The following MYO1G variants were observed in gnomAD, a reference collection of about 807,000 sequenced individuals.
MYO1G encodes the protein unconventional myosin-Ig.
In MYO1G, 65 loss-of-function variants were observed where a neutral mutation model predicts 115.3. The observed-to-expected ratio is 0.56, with a 90% CI of 0.46 to 0.69. MYO1G has a LOEUF of 0.69. Ranked by LOEUF, MYO1G falls within the 30% of genes least tolerant of loss-of-function variation. The probability of loss-of-function intolerance (pLI) is 0.00; values close to 1 mark genes in which losing one functional copy is unlikely to be tolerated. For synonymous variants in MYO1G, 510 were observed against 552.6 expected, an observed-to-expected ratio of 0.92 and a Z score of 1.08; for missense variants, 1,204 against 1,393.5, an observed-to-expected ratio of 0.86 and a Z score of 2.16.
Position 44,966,494 on chromosome 7 carries a change from C to T in MYO1G, c.1949+178G>A, listed in dbSNP as rs1318778288. ...CCATGTTCCCACCTGTATGTCCCCACATGCATGTGCTCACACACATGTCTT... is the reference window on the plus strand; with the variant it reads ...CCATGTTCCCACCTGTATGTCCCCATATGCATGTGCTCACACACATGTCTT... On this transcript the variant is annotated intron_variant, in intron 15 of 21. Coordinates refer to ENST00000258787, the MANE Select transcript of MYO1G (RefSeq NM_033054.3). This position sits in a 1 kb window ranked among gnomAD's most constrained non-coding sequence, Gnocchi z 5.0. 1.2e-6 allele frequency: 1 copy of T among 860,776 alleles called. No individual in the cohort carries two copies. Among genetic ancestry groups the T allele is most frequent in the Admixed American group, 2.0e-5 (1 of 50,232 alleles). The allele number at this position is 860,776 out of a possible 1,614,324, so 53.3% of individuals were successfully genotyped here. A position where few individuals can be genotyped will look rare whatever the true frequency, so the allele number is the denominator to read the frequency against.
chr7:44,965,510 A>C, intron 17 of MYO1G, 127 bp downstream of exon 17: 1 of 884,102 alleles, frequency 1.1e-6, no homozygotes, highest in Admixed American at 2.2e-5. Context: ...GTGGCATAGC[A>C]TCCACCTTCC....
In MYO1G at chr7:44,969,808, A is replaced by T. The variant is rs1313276657; in HGVS notation, c.1400T>A (p.Val467Glu). The change falls in exon 11 of 22, where the codon GTG becomes GAG. Residue 467 changes from valine (V) to glutamate (E), a missense_variant. Val to Glu is a moderately radical substitution (Grantham distance 121). Transcript: ENST00000258787. This position sits in a 1 kb window ranked among gnomAD's most constrained non-coding sequence, Gnocchi z 5.0. ...VERPHRGILA[V>E]LDEACSSAGT... The stretch of plus-strand genomic sequence containing the variant: ...AGCAGAGCTGCAGGCCTCGTCCAGC[A>T]CGGCCAGGATGCCACGGTGGGGCCG... 6.2e-7 allele frequency: 1 copy of T among 1,613,328 alleles called. No individual in the cohort carries two copies. The highest frequency in any genetic ancestry group is 1.7e-5 in the Admixed American group (1 of 60,010).
Position 44,969,726 on chromosome 7 carries a change from G to C in MYO1G, c.1482C>G (p.His494Gln). 1 of 1,610,730 alleles carries C rather than the reference G, an allele frequency of 6.2e-7. No homozygotes were observed. The highest frequency in any genetic ancestry group is 8.5e-7 in the Non-Finnish European group (1 of 1,179,508). ...LQTLDMHHRH[H>Q]LHYTSRQLCP... ...GCACCTGGCGGCTGGTGTAGTGTAG[G>C]TGATGGCGGTGGTGCATGTCCAGGG... The change falls in exon 11 of 22, where the codon CAC becomes CAG. Residue 494 changes from histidine to glutamine, a missense_variant. Coordinates refer to ENST00000258787, the MANE Select transcript of MYO1G (RefSeq NM_033054.3). The surrounding 1 kb of genome is among the most constrained non-coding windows in gnomAD (Gnocchi z 5.0).
Position 44,970,085 on chromosome 7 carries a change from C to G in MYO1G, c.1287G>C (p.Lys429Asn), listed in dbSNP as rs1299798954. 2 of 1,614,116 alleles carry G rather than the reference C, an allele frequency of 1.2e-6. No individual in the cohort carries two copies. Among genetic ancestry groups the G allele is most frequent in the Admixed American group, 3.3e-5 (2 of 60,022 alleles). The part of the protein sequence containing the change: ...LQQLFIQLIL[K>N]QEQEEYEREG... ...CGCGCTCGTACTCTTCCTGTTCCTG[C>G]TTCAGGATGAGCTGGATGAATAGCT... The change falls in exon 10 of 22, where the codon AAG becomes AAC. Residue 429 changes from lysine to asparagine, a missense_variant. Transcript: ENST00000258787.
At position 44,968,449 on chromosome 7, in the gene MYO1G, G is replaced by GGTCA. The variant is rs553237386; in HGVS notation, c.1575-495_1575-492dup. Reference sequence around the variant, plus strand: ...TGTCTAGTTCTTGGACTGCTAGAAAGGTCAGTGCCAAATCTTGGCTCCAAC... The same window carrying GGTCA: ...TGTCTAGTTCTTGGACTGCTAGAAAGGTCAGTCAGTGCCAAATCTTGGCTCCAAC... On this transcript the variant is annotated intron_variant, in intron 12 of 21. Transcript: ENST00000258787. The GGTCA allele has an allele frequency of 1.9e-4, 30 of 155,718 alleles. 2 individuals are homozygous for GGTCA. The South Asian group carries it at 5.8e-3, about 30-fold the overall frequency. The allele number at this position is 155,718 out of a possible 1,614,324, so 9.6% of individuals were successfully genotyped here.
chr7:44,976,961 CG>C lies in MYO1G; in HGVS notation c.205del (p.Arg69ValfsTer21), dbSNP rs776627361. 1.2e-6 allele frequency: 2 copies of C among 1,613,656 alleles called. No individual in the cohort carries two copies. The highest frequency in any genetic ancestry group is 2.2e-5 in the South Asian group (2 of 91,092). ...GPEAIARYQG[R>X]ELYERPPHLY... ...ATGGGGTGGCCGCTCATAGAGCTCA[CG>C]GCCCTGGTACCTGGCGATGGCCTCA... On this transcript the variant is annotated frameshift_variant, in exon 2 of 22. Coordinates refer to ENST00000258787, the MANE Select transcript of MYO1G (RefSeq NM_033054.3). LOFTEE classifies it high-confidence loss of function.
In MYO1G at chr7:44,963,109, C is replaced by G; in HGVS notation, c.2761G>C (p.Val921Leu). 6.7e-7 allele frequency: 1 copy of G among 1,493,290 alleles called. No individual in the cohort carries two copies. The highest frequency in any genetic ancestry group is 8.9e-7 in the Non-Finnish European group (1 of 1,126,816). 92.5% of individuals were successfully genotyped at this position (1,493,290 alleles called of 1,614,324 possible). ...ACCAGCTGGTCTCCTCCGCTGGTCA[C>G]GCTCAGCCCCGTCACCTGAGCGGAG... The part of the protein sequence containing the change: ...VPLEAVTGLS[V>L]TSGGDQLVVL... The change falls in exon 21 of 22, where the codon GTG becomes CTG. Residue 921 changes from valine (V) to leucine (L), a missense_variant. Coordinates refer to ENST00000258787, the MANE Select transcript of MYO1G (RefSeq NM_033054.3). This position sits in a 1 kb window ranked among gnomAD's most constrained non-coding sequence, Gnocchi z 4.1.
intron 3 of MYO1G, 131 bp from the exon 4 acceptor site, chr7:44,975,780 AC>A: frequency 1.9e-6 from 2 of 1,051,584 alleles, no homozygotes; most frequent in Non-Finnish European, 2.6e-6. Flanking sequence ...CTGAGAGGGA[AC>A]CAATGGCCTG....
chr7:44,970,748 G>C lies in MYO1G; in HGVS notation c.1072-11C>G, dbSNP rs745413588. The C allele has an allele frequency of 2.5e-6, 4 of 1,613,688 alleles. No homozygotes were observed. In the South Asian group the frequency reaches 4.4e-5, roughly 18 times the overall value. ...CCGCTGGTACACTGCCTGGGGGATA[G>C]GAACACCCTGCTTCCTGCTGCCTCT... On this transcript the variant is annotated splice_polypyrimidine_tract_variant and intron_variant, in intron 8 of 21. Coordinates refer to ENST00000258787, the MANE Select transcript of MYO1G (RefSeq NM_033054.3).
At position 44,966,133 on chromosome 7, in the gene MYO1G, C is replaced by A. The variant is rs143076306; in HGVS notation, c.2097G>T (p.Leu699=). The A allele has an allele frequency of 6.2e-7, 1 of 1,613,060 alleles. No individual in the cohort carries two copies. The highest frequency in any genetic ancestry group is 8.5e-7 in the Non-Finnish European group (1 of 1,180,004). Residue 699 remains leucine (L), a synonymous_variant, in exon 16 of 22, where the codon CTG becomes CTT. Coordinates refer to ENST00000258787, the MANE Select transcript of MYO1G (RefSeq NM_033054.3). The surrounding 1 kb of genome is among the most constrained non-coding windows in gnomAD (Gnocchi z 5.0). ...SKLFIRSPRT[L]VTLEQSRARL... ...GGGCTCGGCTCTGCTCCAGTGTGAC[C>A]AGTGTCCGGGGTGAGCGGATGAACA...
At position 44,962,935 on chromosome 7, in the gene MYO1G, G is replaced by T. The variant is rs1360356160; in HGVS notation, c.2900+35C>A. 2.0e-6 allele frequency: 3 copies of T among 1,504,564 alleles called. No individual in the cohort carries two copies. Among genetic ancestry groups the T allele is most frequent in the African/African-American group, 1.4e-5 (1 of 69,246 alleles). 93.2% of individuals were successfully genotyped at this position (1,504,564 alleles called of 1,614,324 possible). A position where few individuals can be genotyped will look rare whatever the true frequency, so the allele number is the denominator to read the frequency against. ...GGGGTCAGGGCGGCCACGCGGCCGG[G>T]GCTTCGTGCCCGCTACCGCCCAGCC... is the stretch of plus-strand genomic sequence containing the variant. On this transcript the variant is annotated intron_variant, in intron 21 of 21. Transcript: ENST00000258787. The surrounding 1 kb of genome is among the most constrained non-coding windows in gnomAD (Gnocchi z 5.3).
Position 44,977,001 on chromosome 7 carries a change from G to C in MYO1G, c.166C>G (p.Pro56Ala). Residue 56 changes from proline (P) to alanine (A), a missense_variant, in exon 2 of 22, where the codon CCC becomes GCC. Pro to Ala is a conservative substitution (Grantham distance 27). Transcript: ENST00000258787. ...GCGATGGCCTCAGGCCCATACAGGG[G>C]CAGCTCCTGGTAGGGGTTCACGGAC... is the stretch of plus-strand genomic sequence containing the variant. The part of the protein sequence containing the change: ...LVSVNPYQEL[P>A]LYGPEAIARY... 6.2e-7 allele frequency: 1 copy of C among 1,613,688 alleles called. No homozygotes were observed.
At position 44,967,879 on chromosome 7, in the gene MYO1G, C is replaced by T; in HGVS notation, c.1649+5G>A. 6.2e-7 allele frequency: 1 copy of T among 1,613,926 alleles called. No homozygotes were observed. The highest frequency in any genetic ancestry group is 8.5e-7 in the Non-Finnish European group (1 of 1,180,010). On this transcript the variant is annotated splice_donor_5th_base_variant and intron_variant, in intron 13 of 21. Transcript: ENST00000258787. ...TCCCTATGGTGCCCAGCAAGCCGTG[C>T]TCACCTGTTGTACAGCAGCCGCTTG... is the stretch of plus-strand genomic sequence containing the variant.
Position 44,970,706 on chromosome 7 carries a change from A to G in MYO1G, c.1103T>C (p.Val368Ala). 1 of 1,613,806 alleles carries G rather than the reference A, an allele frequency of 6.2e-7. No individual in the cohort carries two copies. Among genetic ancestry groups the G allele is most frequent in the Non-Finnish European group, 8.5e-7 (1 of 1,179,994 alleles). The part of the protein sequence containing the change: ...AVYQRLFEWV[V>A]NRINSVMEPR... ...TTCCATGACACTGTTGATCCTGTTC[A>G]CCACCCACTCAAACAGCCGCTGGTA... The change falls in exon 9 of 22, where the codon GTG becomes GCG. Residue 368 changes from valine to alanine, a missense_variant. Coordinates refer to ENST00000258787, the MANE Select transcript of MYO1G (RefSeq NM_033054.3).
Position 44,965,568 on chromosome 7 carries a change from C to T in MYO1G, c.2381+69G>A, listed in dbSNP as rs149511680. ...ATCTCCCATCCAGGCACTGCAGGCC[C>T]GGGATGATGGGTTAAGGTATTCAGT... On this transcript the variant is annotated intron_variant, in intron 17 of 21. Coordinates refer to ENST00000258787, the MANE Select transcript of MYO1G (RefSeq NM_033054.3). The T allele has an allele frequency of 2.6e-3, 3,818 of 1,471,902 alleles. 58 individuals carry two copies. In the South Asian group the frequency reaches 0.029, roughly 11 times the overall value. 91.2% of individuals were successfully genotyped at this position (1,471,902 alleles called of 1,614,324 possible).
Position 44,967,969 on chromosome 7 carries a change from C to T in MYO1G, c.1575-11G>A, listed in dbSNP as rs1185658858. The T allele has an allele frequency of 1.2e-6, 2 of 1,613,196 alleles. No individual in the cohort carries two copies. The highest frequency in any genetic ancestry group is 8.5e-7 in the Non-Finnish European group (1 of 1,179,652). On this transcript the variant is annotated splice_polypyrimidine_tract_variant and intron_variant, in intron 12 of 21. Transcript: ENST00000258787. Reference sequence around the variant, plus strand: ...CCTTCCACGGAGTACCTACCAGAAGCCAGGGCTGGTGAGGGAGCAGGGGCG... The same window carrying T: ...CCTTCCACGGAGTACCTACCAGAAGTCAGGGCTGGTGAGGGAGCAGGGGCG...
intron 14 of MYO1G, among the ~76,000 whole-genome samples, 169 bp downstream of exon 14, chr7:44,967,436 C>T (rs1794866681): frequency 6.6e-6 from 1 of 152,220 alleles, no homozygotes. Context: ...CACATCTCAC[C>T]TGTGCAGTGG....
chr7:44,975,963 G>A (rs1795043003), intron 3 of MYO1G, among the ~76,000 whole-genome samples: 1 of 152,226 alleles, frequency 6.6e-6, no homozygotes, highest in Non-Finnish European at 1.5e-5. Context: ...CTGGGGAGGA[G>A]GGGCTGTTCT....
chr7:44,966,795 A>C lies in MYO1G; in HGVS notation c.1826T>G (p.Val609Gly), dbSNP rs769857146. The change falls in exon 15 of 22, where the codon GTA becomes GGA. Residue 609 changes from valine (V) to glycine (G), a missense_variant. Transcript: ENST00000258787. This position sits in a 1 kb window ranked among gnomAD's most constrained non-coding sequence, Gnocchi z 5.0. ...VRCIKPNEDK[V>G]AGKLDENHCR... ...GTGGTTCTCATCCAGCTTCCCAGCT[A>C]CCTTGTCCTCATTGGGCTTGATGCA... is the stretch of plus-strand genomic sequence containing the variant. 1 of 1,613,420 alleles carries C rather than the reference A, an allele frequency of 6.2e-7. No individual in the cohort carries two copies. The highest frequency in any genetic ancestry group is 2.2e-5 in the East Asian group (1 of 44,858).
Sources: allele counts gnomAD v4.1 joint callset (sites outside exome capture counted in the v4.1 genomes callset), GRCh38; gene constraint gnomAD v4.1.1; non-coding constraint Gnocchi (gnomAD v3.1); transcripts MANE v1.5; gene names NCBI Gene and HGNC (gene_info 2026-07-23, HGNC 2026-07-21).